Variants in ITPR2 observed in about 807,000 individuals in gnomAD.
ITPR2 encodes the protein inositol 1,4,5-trisphosphate receptor type 2, also known as inositol 1,4,5-trisphosphate-gated calcium channel ITPR2.
ITPR2 carries 207 observed loss-of-function variants against 317.1 expected under a neutral mutation model. The ratio of observed to expected loss-of-function variants is 0.65; its 90% CI spans 0.58 to 0.73. ITPR2 has a LOEUF of 0.73. ITPR2 is among the 30% of genes least tolerant of loss of function. The probability of loss-of-function intolerance (pLI) is 0.00; values close to 1 mark genes in which losing one functional copy is unlikely to be tolerated. For synonymous variants in ITPR2, 1,156 were observed against 1,149.1 expected (o/e 1.01, Z -0.12); for missense variants, 2,613 against 3,284.0 (o/e 0.80, Z 4.99).
At position 26,419,190 on chromosome 12, in the gene ITPR2, C is replaced by T; in HGVS notation, c.6969G>A (p.Leu2323=). The part of the protein sequence containing the change: ...AANLCNKIVF[L]VSFVGNRGTF... ...TGCCACGATTTCCAACAAAACTCAC[C>T]AGAAAAACAATTTTATTACAAAGCT... The change falls in exon 50 of 57, where the codon CTG becomes CTA. Residue 2323 remains leucine, a synonymous_variant. Coordinates refer to ENST00000381340, the MANE Select transcript of ITPR2 (RefSeq NM_002223.4). 1 of 1,613,450 alleles carries T rather than the reference C, an allele frequency of 6.2e-7. No homozygotes were observed. The highest frequency in any genetic ancestry group is 1.7e-5 in the Admixed American group (1 of 59,952).
chr12:26,556,786 A>AT (rs1249860060), intron 35 of ITPR2, among the ~76,000 whole-genome samples: 2 of 112,798 alleles, frequency 1.8e-5, no homozygotes, highest in African/African-American at 2.7e-5. Flanking sequence ...AAAAAAAAAA[A>AT]AAAAAATTCC....
intron 49 of ITPR2, among the ~76,000 whole-genome samples, chr12:26,427,102 C>G (rs191181209): frequency 6.6e-6 from 1 of 151,996 alleles, no homozygotes; most frequent in South Asian, 2.1e-4. Context: ...GTAGGGGAGA[C>G]TAGTCCTAAT....
intron 8 of ITPR2, among the ~76,000 whole-genome samples, chr12:26,711,818 T>A (rs774593015): frequency 2.0e-5 from 3 of 152,210 alleles, no homozygotes; most frequent in African/African-American, 4.8e-5. Context: ...TGAGATGTCA[T>A]GTGAGCTGAA....
chr12:26,799,171 T>C (rs1376518264), intron 1 of ITPR2, among the ~76,000 whole-genome samples: 1 of 152,220 alleles, frequency 6.6e-6, no homozygotes, highest in East Asian at 1.9e-4. Context: ...GAGTTAGAAT[T>C]GTGCTTGCTC....
At chr12:26,531,294 T>C (rs1202428667) in intron 37 of ITPR2, among the ~76,000 whole-genome samples, 3 of 152,176 alleles carry the variant, frequency 2.0e-5, no homozygotes, top group African/African-American at 7.2e-5. Flanking sequence ...GTACTGAGGG[T>C]AACAGCAGTG....
rs139425531 is a variant in ITPR2, at chr12:26,405,075, A to T, written c.7400-4817T>A. 2.5e-3 allele frequency among the ~76,000 whole-genome samples: 381 copies of T among 152,150 alleles called. 2 individuals are homozygous for T. Among genetic ancestry groups the T allele is most frequent in the African/African-American group, 9.0e-3 (372 of 41,538 alleles). On this transcript the variant is annotated intron_variant, in intron 52 of 56. Coordinates refer to ENST00000381340, the MANE Select transcript of ITPR2 (RefSeq NM_002223.4). ...CTTGAACCCAGGAGGCAGAGGTTGC[A>T]GTGAGCCAAGACCGTGCCATTGCAC...
chr12:26,482,459 G>A (rs1457511287), intron 42 of ITPR2, among the ~76,000 whole-genome samples: 1 of 152,188 alleles, frequency 6.6e-6, no homozygotes, highest in Admixed American at 6.5e-5. Flanking sequence ...CCTGGAAACA[G>A]CAGAAGAGAC....
intron 37 of ITPR2, among the ~76,000 whole-genome samples, chr12:26,515,935 T>C (rs1943475837): frequency 6.8e-6 from 1 of 146,926 alleles, no homozygotes; most frequent in South Asian, 2.2e-4. Flanking sequence ...CATGGAAAAA[T>C]TCCATCTCTA....
chr12:26,613,258 C>T (rs1206656231), intron 26 of ITPR2, among the ~76,000 whole-genome samples: 3 of 152,006 alleles, frequency 2.0e-5, no homozygotes, highest in Non-Finnish European at 4.4e-5. Flanking sequence ...ATTCATGTTG[C>T]CCCAAACCCA....
At chr12:26,610,890 C>T (rs1227952154) in intron 26 of ITPR2, among the ~76,000 whole-genome samples, 5 of 152,192 alleles carry the variant, frequency 3.3e-5, no homozygotes, top group African/African-American at 1.2e-4. Context: ...GGACAGGCTA[C>T]AAGCCAAGCA....
At chr12:26,664,573 G>A (rs1027000522) in intron 14 of ITPR2, among the ~76,000 whole-genome samples, 8 of 152,122 alleles carry the variant, frequency 5.3e-5, no homozygotes, top group South Asian at 2.1e-4. Context: ...ATGAAAGAGC[G>A]GTCAAGGGCA....
At chr12:26,544,619 C>T (rs544490092) in intron 37 of ITPR2, among the ~76,000 whole-genome samples, 1 of 134,354 alleles carries the variant, frequency 7.4e-6, no homozygotes, top group Non-Finnish European at 1.8e-5. Flanking sequence ...CACACACACA[C>T]ACACACATAC....
chr12:26,631,771 A>G, intron 22 of ITPR2, 95 bp downstream of exon 22: 1 of 1,050,672 alleles, frequency 9.5e-7, no homozygotes, highest in Non-Finnish European at 1.4e-6. Context: ...AGCATTTCAG[A>G]ATATTTACAC....
chr12:26,357,387 G>A (rs1381025871), intron 55 of ITPR2, among the ~76,000 whole-genome samples: 1 of 152,204 alleles, frequency 6.6e-6, no homozygotes, highest in Non-Finnish European at 1.5e-5. Context: ...AATGTGTAGG[G>A]AGGGTGATCT....
At chr12:26,460,673 T>C (rs554176985) in intron 45 of ITPR2, among the ~76,000 whole-genome samples, 6 of 152,192 alleles carry the variant, frequency 3.9e-5, no homozygotes, top group Admixed American at 2.6e-4. Context: ...ATCCAGGATA[T>C]ACGGTAAAAA....
chr12:26,671,369 G>A (rs1244999207), intron 13 of ITPR2, among the ~76,000 whole-genome samples: 7 of 152,274 alleles, frequency 4.6e-5, no homozygotes, highest in African/African-American at 1.7e-4. Context: ...AACTCTACAA[G>A]CCAGAAGACA....
intron 37 of ITPR2, among the ~76,000 whole-genome samples, chr12:26,530,301 C>T (rs78502808): frequency 0.022 from 3,302 of 152,274 alleles, 76 homozygotes; most frequent in African/African-American, 0.054. Flanking sequence ...ATTTTCTACA[C>T]CTGAAGTCCA....
chr12:26,696,019 G>A (rs190900535), intron 9 of ITPR2, among the ~76,000 whole-genome samples: 2 of 152,226 alleles, frequency 1.3e-5, no homozygotes, highest in Non-Finnish European at 2.9e-5. Flanking sequence ...AAACCAGTGG[G>A]ACATTGATGA....
chr12:26,741,567 A>G (rs542613271), intron 2 of ITPR2, among the ~76,000 whole-genome samples: 89 of 152,330 alleles, frequency 5.8e-4, no homozygotes, highest in African/African-American at 1.9e-3. Flanking sequence ...AAGTCAAGGC[A>G]TTACAAAGTA....
Sources: gnomAD v4.1 joint callset for allele counts (sites outside exome capture counted in the v4.1 genomes callset) on GRCh38, gnomAD v4.1.1 for gene constraint, MANE v1.5 for transcripts, NCBI Gene and HGNC (gene_info 2026-07-23, HGNC 2026-07-21) for gene names.